Variants in SEC63 observed in about 807,000 individuals in gnomAD.
The protein encoded by SEC63 is translocation protein SEC63 homolog.
A neutral mutation model predicts 116.2 loss-of-function variants in SEC63; 56 were observed. The observed-to-expected ratio is 0.48, with a 90% CI of 0.39 to 0.60. SEC63 has a LOEUF of 0.60. Ranked by LOEUF, SEC63 falls within the 20% of genes least tolerant of loss-of-function variation. The probability of loss-of-function intolerance (pLI) is 0.00; values close to 1 mark genes in which losing one functional copy is unlikely to be tolerated. For synonymous variants in SEC63, 273 were observed against 294.6 expected, an observed-to-expected ratio of 0.93 and a Z score of 0.75; for missense variants, 668 against 900.0, an observed-to-expected ratio of 0.74 and a Z score of 3.30.
intron 19 of SEC63, among the ~76,000 whole-genome samples, chr6:107,874,420 C>T (rs923416649): frequency 1.3e-5 from 2 of 151,900 alleles, no homozygotes; most frequent in Non-Finnish European, 2.9e-5. Context: ...CAGTGAAACC[C>T]CGTCTCTACT....
At chr6:107,880,424 G>C (rs1294786413) in intron 18 of SEC63, among the ~76,000 whole-genome samples, 1 of 152,190 alleles carries the variant, frequency 6.6e-6, no homozygotes, top group African/African-American at 2.4e-5. Flanking sequence ...ACTCCAGACA[G>C]AATCATACTC....
chr6:107,915,753 T>C (rs929799730), intron 4 of SEC63, among the ~76,000 whole-genome samples: 3 of 152,202 alleles, frequency 2.0e-5, no homozygotes, highest in Non-Finnish European at 4.4e-5. Flanking sequence ...CCTATATAAC[T>C]GCATTCCAAG....
At chr6:107,914,507 A>G (rs77962463) in intron 4 of SEC63, among the ~76,000 whole-genome samples, 1 of 152,192 alleles carries the variant, frequency 6.6e-6, no homozygotes, top group East Asian at 1.9e-4. Context: ...TTATCAATTT[A>G]GTCATTTATG....
chr6:107,895,787 C>T (rs1786798993), intron 14 of SEC63, among the ~76,000 whole-genome samples: 1 of 150,082 alleles, frequency 6.7e-6, no homozygotes, highest in Admixed American at 6.7e-5. Flanking sequence ...CTTTGTGAGG[C>T]CAAGGCAGGA....
At chr6:107,879,869 G>C (rs1199763102) in intron 18 of SEC63, among the ~76,000 whole-genome samples, 1 of 152,006 alleles carries the variant, frequency 6.6e-6, no homozygotes, top group Non-Finnish European at 1.5e-5. Context: ...AGGACCACAG[G>C]CATGAGCCAC....
chr6:107,873,724 A>G (rs1222508742), intron 19 of SEC63, among the ~76,000 whole-genome samples: 3 of 152,194 alleles, frequency 2.0e-5, no homozygotes, highest in Non-Finnish European at 4.4e-5. Flanking sequence ...AGAAACAACC[A>G]GAATAGTACA....
chr6:107,953,061 A>C (rs978799876), intron 1 of SEC63, among the ~76,000 whole-genome samples: 38 of 152,178 alleles, frequency 2.5e-4, no homozygotes, highest in Non-Finnish European at 5.1e-4. Flanking sequence ...GAAGTTCGAG[A>C]CCAGCCTGGC....
chr6:107,957,113 C>T (rs760683112), intron 1 of SEC63: 1 of 152,082 alleles, frequency 6.6e-6, no homozygotes, highest in Non-Finnish European at 1.5e-5. Context: ...TTATTCTGTG[C>T]TTTAATTCGA....
rs1786092106 is a variant in SEC63, at chr6:107,869,970, CTGTCT to C, written c.*1729_*1733del. The C allele has an allele frequency of 6.6e-6, 1 of 152,040 alleles. No homozygotes were observed. The highest frequency in any genetic ancestry group is 1.5e-5 in the Non-Finnish European group (1 of 67,990). The allele number at this position is 152,040 out of a possible 1,614,324, so 9.4% of individuals were successfully genotyped here. ...GGAAATATGCATTCTACACATTGTT[CTGTCT>C]TGTCTGCTCAGTTTCCTTGCCTTCG... On this transcript the variant is annotated 3_prime_UTR_variant, in exon 21 of 21. Coordinates refer to ENST00000369002, the MANE Select transcript of SEC63 (RefSeq NM_007214.5).
intron 1 of SEC63, among the ~76,000 whole-genome samples, chr6:107,945,305 CTT>C (rs59290085): frequency 5.8e-5 from 8 of 138,300 alleles, no homozygotes; most frequent in Non-Finnish European, 6.2e-5. Context: ...TCTTTCTTTT[CTT>C]TTTTTTTTTT....
At chr6:107,879,504 T>C (rs1420499531) in intron 18 of SEC63, among the ~76,000 whole-genome samples, 1 of 152,176 alleles carries the variant, frequency 6.6e-6, no homozygotes, top group Non-Finnish European at 1.5e-5. Flanking sequence ...TTTGTATTTT[T>C]AGTAGAGACG....
chr6:107,883,928 G>GA lies in SEC63; in HGVS notation c.1675-783dup, dbSNP rs577143649. On this transcript the variant is annotated intron_variant, in intron 16 of 20. Coordinates refer to ENST00000369002, the MANE Select transcript of SEC63 (RefSeq NM_007214.5). The stretch of plus-strand genomic sequence containing the variant: ...TCAGCAAAATACTAGCTCACTTTAA[G>GA]AATCAAGAACAGCAAATTAAATGCA... 1.8e-3 allele frequency among the ~76,000 whole-genome samples: 277 copies of GA among 152,092 alleles called. 1 individual carries two copies. Among genetic ancestry groups the GA allele is most frequent in the Non-Finnish European group, 3.4e-3 (231 of 67,972 alleles).
At chr6:107,937,632 A>C (rs1431455878) in intron 1 of SEC63, among the ~76,000 whole-genome samples, 1 of 152,174 alleles carries the variant, frequency 6.6e-6, no homozygotes, top group African/African-American at 2.4e-5. Context: ...TGCTTTCCAC[A>C]GTGGCTGAAC....
intron 5 of SEC63, 110 bp from the exon 6 acceptor site, chr6:107,912,884 C>A (rs572494651): frequency 8.7e-6 from 7 of 805,006 alleles, no homozygotes; most frequent in Middle Eastern, 3.5e-4. Context: ...CCCCACAACA[C>A]AAAAACAAAC....
chr6:107,887,648 A>C (rs1286565888), intron 16 of SEC63, among the ~76,000 whole-genome samples: 1 of 152,174 alleles, frequency 6.6e-6, no homozygotes, highest in Non-Finnish European at 1.5e-5. Flanking sequence ...ACCTAATGCT[A>C]GATGACGAGT....
At chr6:107,890,865 ATTCTT>A (rs1232066647) in intron 16 of SEC63, among the ~76,000 whole-genome samples, 6 of 152,154 alleles carry the variant, frequency 3.9e-5, no homozygotes, top group African/African-American at 1.4e-4. Flanking sequence ...TGGGTTGAAA[ATTCTT>A]TTCTTTAAGA....
At chr6:107,954,862 A>G (rs1000729736) in intron 1 of SEC63, 2 of 152,254 alleles carry the variant, frequency 1.3e-5, no homozygotes, top group African/African-American at 4.8e-5. Context: ...CCAAGAAAAA[A>G]GTCCAAGTGG....
At chr6:107,947,524 G>A (rs943018452) in intron 1 of SEC63, among the ~76,000 whole-genome samples, 2 of 151,988 alleles carry the variant, frequency 1.3e-5, no homozygotes, top group African/African-American at 2.4e-5. Context: ...GTGGAGCAGT[G>A]ATGGTGCCAC....
chr6:107,909,991 A>C (rs1165126966), intron 7 of SEC63, among the ~76,000 whole-genome samples: 1 of 151,328 alleles, frequency 6.6e-6, no homozygotes, highest in Non-Finnish European at 1.5e-5. Context: ...TATATTAAGC[A>C]AAAAAACAGA....
Sources: gnomAD v4.1 joint callset for allele counts (sites outside exome capture counted in the v4.1 genomes callset) on GRCh38, gnomAD v4.1.1 for gene constraint, MANE v1.5 for transcripts, NCBI Gene and HGNC (gene_info 2026-07-23, HGNC 2026-07-21) for gene names.